The following DLGAP2 variants were observed in gnomAD, a reference collection of about 807,000 sequenced individuals.
DLGAP2 encodes the protein disks large-associated protein 2.
Under a neutral mutation model 100.3 loss-of-function variants are expected in DLGAP2, and 26 were observed. That is an observed-to-expected ratio of 0.26 (90% CI 0.19 to 0.36). The LOEUF is 0.36. Ranked by LOEUF, DLGAP2 falls within the 10% of genes least tolerant of loss-of-function variation. The probability of loss-of-function intolerance (pLI) is 1.00; values close to 1 mark genes in which losing one functional copy is unlikely to be tolerated. For missense variants in DLGAP2, 1,858 were observed against 1,453.2 expected (o/e 1.28, Z -4.53); for synonymous variants, 886 against 630.1 (o/e 1.41, Z -6.08).
chr8:1,533,685 T>C (rs951536867), intron 4 of DLGAP2, among the ~76,000 whole-genome samples: 1 of 152,210 alleles, frequency 6.6e-6, no homozygotes, highest in Admixed American at 6.5e-5. Flanking sequence ...AAACTTAAAA[T>C]TAACTTAATT....
chr8:1,286,045 G>A (rs764745664), intron 3 of DLGAP2, among the ~76,000 whole-genome samples: 1 of 152,132 alleles, frequency 6.6e-6, no homozygotes, highest in Non-Finnish European at 1.5e-5. Flanking sequence ...ATCTGTGACT[G>A]CACCGAAATC....
At position 1,124,845 on chromosome 8, in the gene DLGAP2, G is replaced by C. The variant is rs28742194; in HGVS notation, c.74-134006G>C. On this transcript the variant is annotated intron_variant, in intron 2 of 14. Coordinates refer to ENST00000637795, the MANE Select transcript of DLGAP2 (RefSeq NM_001346810.2). ...AGCCAGTCTGCAGGATGGCTGAGTG[G>C]GGCCCGGAACCCCAGGCTCTGGGTT... Among the ~76,000 whole-genome samples the C allele has an allele frequency of 6.5e-3, 995 of 152,212 alleles. 5 individuals are homozygous for C. The highest frequency in any genetic ancestry group is 9.2e-3 in the Non-Finnish European group (627 of 68,010).
chr8:1,392,149 G>T (rs184414157), intron 3 of DLGAP2, among the ~76,000 whole-genome samples: 2 of 152,326 alleles, frequency 1.3e-5, no homozygotes, highest in East Asian at 3.9e-4. Context: ...AGAGGCTGGG[G>T]TGGGCCTAGA....
intron 3 of DLGAP2, among the ~76,000 whole-genome samples, chr8:1,360,808 A>C (rs1390840812): frequency 6.6e-6 from 1 of 152,078 alleles, no homozygotes; most frequent in Non-Finnish European, 1.5e-5. Flanking sequence ...AGGCACGAGG[A>C]AACAGTCGCC....
intron 1 of DLGAP2, among the ~76,000 whole-genome samples, chr8:764,869 C>T (rs916701755): frequency 1.3e-5 from 2 of 152,124 alleles, no homozygotes; most frequent in African/African-American, 4.8e-5. Context: ...CCAAAATTTA[C>T]CTATAAATCC....
intron 3 of DLGAP2, among the ~76,000 whole-genome samples, chr8:1,322,412 G>C (rs142334450): frequency 2.0e-5 from 3 of 152,226 alleles, no homozygotes; most frequent in Middle Eastern, 3.2e-3. Context: ...CCCACCCGGC[G>C]TGCTGGATCC....
At chr8:1,245,531 GA>G (rs1798885213) in intron 2 of DLGAP2, among the ~76,000 whole-genome samples, 1 of 152,210 alleles carries the variant, frequency 6.6e-6, no homozygotes, top group Non-Finnish European at 1.5e-5. Context: ...GCAGTGTTCA[GA>G]ACAGGCAAAT....
Position 770,224 on chromosome 8 carries a change from G to C in DLGAP2, c.18+32399G>C, listed in dbSNP as rs561530749. 2.3e-3 allele frequency among the ~76,000 whole-genome samples: 352 copies of C among 152,274 alleles called. 5 individuals carry two copies. The South Asian group carries it at 0.05, about 21-fold the overall frequency. The stretch of plus-strand genomic sequence containing the variant: ...GTTGTGGAGTTAGTGAGGGGCTGCG[G>C]AATGCTCATCTCGTCAGGGGTGAGG... On this transcript the variant is annotated intron_variant, in intron 1 of 14. Transcript: ENST00000637795.
chr8:1,688,969 C>T (rs769078333), intron 12 of DLGAP2, among the ~76,000 whole-genome samples: 26 of 152,138 alleles, frequency 1.7e-4, no homozygotes, highest in Non-Finnish European at 2.5e-4. Flanking sequence ...TTCTTTTTCC[C>T]GAAAGTCGGG....
chr8:1,579,829 C>T (rs987572409), intron 6 of DLGAP2, among the ~76,000 whole-genome samples: 5 of 152,150 alleles, frequency 3.3e-5, no homozygotes, highest in South Asian at 2.1e-4. Flanking sequence ...CCATCGTGGG[C>T]GTTGGTTTGG....
chr8:987,856 C>G (rs1189540032), intron 2 of DLGAP2, among the ~76,000 whole-genome samples: 1 of 152,204 alleles, frequency 6.6e-6, no homozygotes, highest in Admixed American at 6.5e-5. Context: ...AGGATCCTCT[C>G]TTTCAGCTGT....
intron 6 of DLGAP2, among the ~76,000 whole-genome samples, chr8:1,594,182 A>C (rs1796374794): frequency 6.6e-6 from 1 of 152,214 alleles, no homozygotes; most frequent in African/African-American, 2.4e-5. Flanking sequence ...GAAGACTGAG[A>C]AAGGCACCAG....
At chr8:974,806 C>T (rs1800121670) in intron 2 of DLGAP2, among the ~76,000 whole-genome samples, 1 of 151,902 alleles carries the variant, frequency 6.6e-6, no homozygotes, top group African/African-American at 2.4e-5. Flanking sequence ...GAGTAAGATC[C>T]AAAATCAATC....
chr8:1,666,147 T>C (rs1332508798), intron 8 of DLGAP2, among the ~76,000 whole-genome samples: 2 of 152,352 alleles, frequency 1.3e-5, no homozygotes, highest in East Asian at 1.9e-4. Context: ...TCTTGGGAAC[T>C]TTCTGAGTCT....
chr8:978,921 C>T (rs573241690), intron 2 of DLGAP2, among the ~76,000 whole-genome samples: 12 of 152,140 alleles, frequency 7.9e-5, no homozygotes, highest in Non-Finnish European at 1.5e-4. Context: ...AAAATAACTC[C>T]GTAATCTTTC....
intron 3 of DLGAP2, among the ~76,000 whole-genome samples, chr8:1,316,426 C>G (rs1252384945): frequency 2.9e-5 from 4 of 140,038 alleles, no homozygotes; most frequent in African/African-American, 5.5e-5. Flanking sequence ...AGTGCAGCGT[C>G]TCTCCAACAG....
At chr8:1,526,361 G>A (rs1800792494) in intron 4 of DLGAP2, among the ~76,000 whole-genome samples, 1 of 151,972 alleles carries the variant, frequency 6.6e-6, no homozygotes, top group Non-Finnish European at 1.5e-5. Context: ...CCCACTCACA[G>A]GGGAGGAATT....
intron 3 of DLGAP2, among the ~76,000 whole-genome samples, chr8:1,370,974 G>A (rs116788371): frequency 0.011 from 1,658 of 152,338 alleles, 30 homozygotes; most frequent in African/African-American, 0.038. Context: ...CTAGAACAGC[G>A]CTTTACACCA....
At chr8:989,414 C>G (rs62488460) in intron 2 of DLGAP2, among the ~76,000 whole-genome samples, 3 of 152,160 alleles carry the variant, frequency 2.0e-5, no homozygotes, top group Non-Finnish European at 4.4e-5. Context: ...CTGAATCGGC[C>G]GCACTTGTGT....
Sources: allele counts gnomAD v4.1 joint callset (sites outside exome capture counted in the v4.1 genomes callset), GRCh38; gene constraint gnomAD v4.1.1; transcripts MANE v1.5; gene names NCBI Gene and HGNC (gene_info 2026-07-23, HGNC 2026-07-21).